Variants in ABR observed in about 807,000 individuals in gnomAD.
ABR encodes the protein ABR activator of RhoGEF and GTPase, also known as active breakpoint cluster region-related protein.
Under a neutral mutation model 107.2 loss-of-function variants are expected in ABR, and 35 were observed. The observed-to-expected ratio is 0.33, with a 90% confidence interval of 0.25 to 0.43. The LOEUF is 0.43. ABR is among the 20% of genes least tolerant of loss of function. ABR has a pLI of 1.00. For missense variants in ABR, 815 were observed against 1,115.2 expected, an observed-to-expected ratio of 0.73 and a Z score of 3.83; for synonymous variants, 498 against 462.0, an observed-to-expected ratio of 1.08 and a Z score of -1.00.
chr17:1,099,848 C>CCGGG (rs1046852902), intron 3 of ABR, among the ~76,000 whole-genome samples: 2 of 152,170 alleles, frequency 1.3e-5, no homozygotes, highest in Non-Finnish European at 2.9e-5. Flanking sequence ...CACAGACAGG[C>CCGGG]CGGGCGCAGT....
intron 16 of ABR, among the ~76,000 whole-genome samples, chr17:1,039,837 C>T (rs970196302): frequency 6.6e-6 from 1 of 152,162 alleles, no homozygotes; most frequent in African/African-American, 2.4e-5. Flanking sequence ...CGGGGCCTGA[C>T]ATGCACTCCT....
At chr17:1,038,122 C>A (rs762021325) in intron 16 of ABR, among the ~76,000 whole-genome samples, 7 of 152,090 alleles carry the variant, frequency 4.6e-5, no homozygotes, top group Non-Finnish European at 8.8e-5. Context: ...TCCACCACCC[C>A]TCGCCTGCCT....
In ABR at chr17:1,010,390, C is replaced by G; in HGVS notation, c.2236+339G>C. The G allele has an allele frequency of 3.2e-6, 1 of 316,684 alleles. No individual in the cohort carries two copies. Among genetic ancestry groups the G allele is most frequent in the Non-Finnish European group, 6.0e-6 (1 of 167,084 alleles). 19.6% of individuals were successfully genotyped at this position (316,684 alleles called of 1,614,324 possible). On this transcript the variant is annotated intron_variant, in intron 20 of 22. Transcript: ENST00000302538. The surrounding 1 kb of genome is among the most constrained non-coding windows in gnomAD (Gnocchi z 4.1). ...GCCCTATGGCTTAAGCCAGCCTCCTCCTTGGTTCTGGGATGCTGGCTTCTG... is the reference window on the plus strand; with the variant it reads ...GCCCTATGGCTTAAGCCAGCCTCCTGCTTGGTTCTGGGATGCTGGCTTCTG...
At chr17:1,226,463 CATGT>C (rs1382626686) in intron 1 of ABR, among the ~76,000 whole-genome samples, 21 of 150,986 alleles carry the variant, frequency 1.4e-4, no homozygotes, top group African/African-American at 3.7e-4. Context: ...TGTGTGCATG[CATGT>C]ATGTGGCACT....
At chr17:1,206,349 C>T (rs558005270) in intron 1 of ABR, among the ~76,000 whole-genome samples, 1 of 152,280 alleles carries the variant, frequency 6.6e-6, no homozygotes, top group South Asian at 2.1e-4. Flanking sequence ...GAATACAAGC[C>T]TAGCTCAATA....
At chr17:1,083,789 T>G (rs562983837) in intron 4 of ABR, 162 bp from the exon 5 acceptor site, 1 of 634,842 alleles carries the variant, frequency 1.6e-6, no homozygotes, top group Admixed American at 2.3e-5. Context: ...CATATTACAG[T>G]GTCCCTTTGA....
At chr17:1,189,245 G>A (rs1039791547), upstream of ABR, among the ~76,000 whole-genome samples, 4 of 152,074 alleles carry the variant, frequency 2.6e-5, no homozygotes, top group African/African-American at 9.7e-5. Context: ...TCAATTAGAG[G>A]AAAGAGTTTC....
Position 1,140,408 on chromosome 17 carries a change from C to T in ABR, c.62-15041G>A, listed in dbSNP as rs190547598. 3.2e-3 allele frequency among the ~76,000 whole-genome samples: 481 copies of T among 152,192 alleles called. 5 individuals carry two copies. Among genetic ancestry groups the T allele is most frequent in the African/African-American group, 0.011 (457 of 41,524 alleles). On this transcript the variant is annotated intron_variant, in intron 1 of 22. Transcript: ENST00000302538. ...GACCACAGGTGTGGATCTGGGAGGC[C>T]GGCAACCCTGAACCAGGGAACTGGC...
rs551658587 is a variant in ABR at position 1,031,609 on chromosome 17, G to T, written c.1791+18441C>A. The stretch of plus-strand genomic sequence containing the variant: ...GCCCCCGCGGGCACCTTGTTTCGGA[G>T]CAGCTTGTTGCGCACGCGGCCCCAG... On this transcript the variant is annotated intron_variant, in intron 16 of 22. Transcript: ENST00000302538. 1.5e-5 allele frequency: 18 copies of T among 1,215,032 alleles called. No individual in the cohort carries two copies. In the Admixed American group the frequency reaches 2.3e-4, roughly 15 times the overall value. 75.3% of individuals were successfully genotyped at this position (1,215,032 alleles called of 1,614,324 possible).
At chr17:1,162,951 A>G (rs1039005957) in intron 1 of ABR, among the ~76,000 whole-genome samples, 2 of 152,216 alleles carry the variant, frequency 1.3e-5, no homozygotes, top group East Asian at 3.8e-4. Flanking sequence ...GGGTGCCTGT[A>G]GTCCCAGCTA....
intron 1 of ABR, among the ~76,000 whole-genome samples, chr17:1,173,866 C>T (rs1003528739): frequency 6.6e-6 from 1 of 152,238 alleles, no homozygotes; most frequent in African/African-American, 2.4e-5. Context: ...CCCAGTCCCT[C>T]GAGGCTTTCC....
chr17:1,106,210 G>A (rs546881703), intron 2 of ABR, among the ~76,000 whole-genome samples: 8 of 152,214 alleles, frequency 5.3e-5, no homozygotes, highest in Non-Finnish European at 7.4e-5. Flanking sequence ...AAGATGAAGC[G>A]TCTTGGAAAT....
chr17:1,043,225 T>C (rs984723518), intron 16 of ABR, among the ~76,000 whole-genome samples: 2 of 152,204 alleles, frequency 1.3e-5, no homozygotes, highest in African/African-American at 4.8e-5. Context: ...TGGAGTGCAG[T>C]GGCATGATCT....
At chr17:1,033,621 G>T (rs1346826107) in intron 16 of ABR, among the ~76,000 whole-genome samples, 1 of 152,184 alleles carries the variant, frequency 6.6e-6, no homozygotes, top group East Asian at 1.9e-4. Flanking sequence ...AGTCTTCACT[G>T]TCCCTGCAGG....
intron 18 of ABR, 109 bp downstream of exon 18, chr17:1,012,579 T>A (rs977572554): frequency 1.3e-6 from 1 of 799,786 alleles, no homozygotes; most frequent in African/African-American, 1.7e-5. Context: ...GAGCGGGGGG[T>A]AACTGATTAG....
chr17:1,168,101 A>C (rs903316924), intron 1 of ABR, among the ~76,000 whole-genome samples: 3 of 152,092 alleles, frequency 2.0e-5, no homozygotes, highest in Admixed American at 1.3e-4. Flanking sequence ...AGCCTGACCA[A>C]TATAGAGAAA....
intron 16 of ABR, among the ~76,000 whole-genome samples, chr17:1,049,131 A>G (rs2032125917): frequency 6.6e-6 from 1 of 152,114 alleles, no homozygotes; most frequent in African/African-American, 2.4e-5. Context: ...TTTTCCCTAT[A>G]TATGTTTATA....
Position 1,153,193 on chromosome 17 carries a change from G to A in ABR, c.61+26474C>T, listed in dbSNP as rs566276708. On this transcript the variant is annotated intron_variant, in intron 1 of 22. Transcript: ENST00000302538. Reference sequence around the variant, plus strand: ...CTTGCCCCATCATCAGGTGCACTTGGTCAAATCCCCACCATACCCCTTCCC... The same window carrying A: ...CTTGCCCCATCATCAGGTGCACTTGATCAAATCCCCACCATACCCCTTCCC... 1.1e-4 allele frequency among the ~76,000 whole-genome samples: 17 copies of A among 152,344 alleles called. No individual in the cohort carries two copies. The South Asian group carries it at 3.5e-3, about 32-fold the overall frequency.
chr17:1,181,619 C>T (rs1243944209), upstream of ABR, among the ~76,000 whole-genome samples: 1 of 152,112 alleles, frequency 6.6e-6, no homozygotes, highest in African/African-American at 2.4e-5. Context: ...ATGAGACGCT[C>T]CAGAAATAGA....
Sources: allele counts gnomAD v4.1 joint callset (sites outside exome capture counted in the v4.1 genomes callset), GRCh38; gene constraint gnomAD v4.1.1; non-coding constraint Gnocchi (gnomAD v3.1); transcripts MANE v1.5; gene names NCBI Gene and HGNC (gene_info 2026-07-23, HGNC 2026-07-21).